The following KCNIP1 variants were observed in gnomAD, a reference collection of about 807,000 sequenced individuals.
KCNIP1 encodes A-type potassium channel modulatory protein KCNIP1.
Under a neutral mutation model 33.0 loss-of-function variants are expected in KCNIP1, and 18 were observed. The observed-to-expected ratio is 0.55, with a 90% CI of 0.38 to 0.81. The LOEUF (loss-of-function observed/expected upper bound fraction) is 0.81, where lower values mean the gene tolerates loss of function less well. Ranked by LOEUF, KCNIP1 falls within the 30% of genes least tolerant of loss-of-function variation. The pLI is 0.00. For missense variants in KCNIP1, 238 were observed against 271.6 expected (o/e 0.88, Z 0.87); for synonymous variants, 93 against 98.3 (o/e 0.95, Z 0.32).
Position 170,718,618 on chromosome 5 carries a change from G to A in KCNIP1, c.62-140G>A. The A allele has an allele frequency of 4.4e-6, 4 of 904,908 alleles. No individual in the cohort carries two copies. In the East Asian group the frequency reaches 1.1e-4, roughly 25 times the overall value. The allele number at this position is 904,908 out of a possible 1,614,324, so 56.1% of individuals were successfully genotyped here. ...GGGCAGGGAAGTGGGGTTCAAGATAGGAAGGCCATTGGCAGTGTGACCCCA... is the reference window on the plus strand; with the variant it reads ...GGGCAGGGAAGTGGGGTTCAAGATAAGAAGGCCATTGGCAGTGTGACCCCA... On this transcript the variant is annotated intron_variant, in intron 1 of 7. Coordinates refer to ENST00000328939, the MANE Select transcript of KCNIP1 (RefSeq NM_014592.4).
At position 170,622,814 on chromosome 5, in the gene KCNIP1, T is replaced by G. The variant is rs991486076; in HGVS notation, c.62-95944T>G. Among the ~76,000 whole-genome samples the G allele has an allele frequency of 2.6e-5, 4 of 152,166 alleles. No individual in the cohort carries two copies. In the East Asian group the frequency reaches 7.8e-4, roughly 30 times the overall value. ...CCCTGCTGACACCCTGACTTCAGAC[T>G]CCCAGCCTCCAGAGCTGGGAAGGGA... On this transcript the variant is annotated intron_variant, in intron 1 of 7. Transcript: ENST00000328939.
chr5:170,495,286 G>A (rs754021259), intron 1 of KCNIP1, among the ~76,000 whole-genome samples: 9 of 152,178 alleles, frequency 5.9e-5, no homozygotes, highest in South Asian at 2.1e-4. Context: ...CATTCAGGTC[G>A]CAGCTGGGGC....
intron 1 of KCNIP1, among the ~76,000 whole-genome samples, chr5:170,661,907 C>T (rs1416231525): frequency 6.6e-6 from 1 of 152,176 alleles, no homozygotes; most frequent in Non-Finnish European, 1.5e-5. Flanking sequence ...GGTCCCCTCT[C>T]AATGTGTACA....
At chr5:170,601,063 T>C (rs1319901052) in intron 1 of KCNIP1, among the ~76,000 whole-genome samples, 1 of 152,242 alleles carries the variant, frequency 6.6e-6, no homozygotes, top group Non-Finnish European at 1.5e-5. Context: ...TAAAATGGGC[T>C]TCATATTTTT....
intron 1 of KCNIP1, among the ~76,000 whole-genome samples, chr5:170,541,695 T>G (rs1470808608): frequency 6.9e-6 from 1 of 144,740 alleles, no homozygotes; most frequent in African/African-American, 2.5e-5. Context: ...CAAGCCATAA[T>G]GATAAAGTAA....
intron 1 of KCNIP1, among the ~76,000 whole-genome samples, chr5:170,636,989 T>C (rs1183821096): frequency 6.6e-6 from 1 of 152,096 alleles, no homozygotes; most frequent in East Asian, 1.9e-4. Context: ...CACAGTGGGT[T>C]GGCCCCACCC....
intron 1 of KCNIP1, among the ~76,000 whole-genome samples, chr5:170,396,390 G>A (rs1249725174): frequency 6.6e-6 from 1 of 152,258 alleles, no homozygotes; most frequent in African/African-American, 2.4e-5. Flanking sequence ...TATTTGAAGA[G>A]ATTTGTTCTG....
intron 1 of KCNIP1, among the ~76,000 whole-genome samples, chr5:170,420,219 CCCT>C (rs1755446048): frequency 6.6e-6 from 1 of 152,104 alleles, no homozygotes; most frequent in East Asian, 1.9e-4. Flanking sequence ...TCTCTGCCAC[CCCT>C]GAGACAGCAG....
chr5:170,375,346 G>A (rs1237393839), intron 1 of KCNIP1: 2 of 152,236 alleles, frequency 1.3e-5, no homozygotes, highest in Non-Finnish European at 2.9e-5. Context: ...CCTGCCTTTG[G>A]AAGGAAGGTC....
At chr5:170,727,329 G>A (rs1764043851) in intron 5 of KCNIP1, among the ~76,000 whole-genome samples, 1 of 152,240 alleles carries the variant, frequency 6.6e-6, no homozygotes, top group Non-Finnish European at 1.5e-5. Flanking sequence ...GCGAAGAAGT[G>A]TGAAGGGATG....
At chr5:170,710,299 A>G (rs976338149) in intron 1 of KCNIP1, among the ~76,000 whole-genome samples, 1 of 152,180 alleles carries the variant, frequency 6.6e-6, no homozygotes, top group Non-Finnish European at 1.5e-5. Flanking sequence ...GTTAATTTGG[A>G]TAACATATTT....
intron 1 of KCNIP1, among the ~76,000 whole-genome samples, chr5:170,673,538 C>T (rs1400253137): frequency 6.6e-6 from 1 of 152,244 alleles, no homozygotes; most frequent in Admixed American, 6.5e-5. Flanking sequence ...AGTGAATAAC[C>T]ACTCTGGGAC....
chr5:170,650,721 A>T (rs1761010787), intron 1 of KCNIP1, among the ~76,000 whole-genome samples: 1 of 152,230 alleles, frequency 6.6e-6, no homozygotes, highest in African/African-American at 2.4e-5. Context: ...ATGAAACCTT[A>T]ACTTTTTAAG....
intron 1 of KCNIP1, among the ~76,000 whole-genome samples, chr5:170,594,861 T>C (rs537372690): frequency 4.6e-5 from 7 of 152,298 alleles, no homozygotes; most frequent in African/African-American, 9.6e-5. Flanking sequence ...GTCCCACTGA[T>C]GAGTTATGGA....
intron 1 of KCNIP1, among the ~76,000 whole-genome samples, chr5:170,556,539 G>A (rs1756854647): frequency 6.6e-6 from 1 of 152,214 alleles, no homozygotes; most frequent in Admixed American, 6.5e-5. Context: ...GAGGTGGGGG[G>A]TGGGAGCCGA....
intron 1 of KCNIP1, among the ~76,000 whole-genome samples, chr5:170,651,222 G>T (rs946724207): frequency 6.6e-6 from 1 of 152,192 alleles, no homozygotes; most frequent in South Asian, 2.1e-4. Flanking sequence ...AAGTCACCAA[G>T]AGAGGCAGTG....
intron 1 of KCNIP1, among the ~76,000 whole-genome samples, chr5:170,697,204 GC>G (rs1338637285): frequency 6.6e-6 from 1 of 151,986 alleles, no homozygotes; most frequent in Non-Finnish European, 1.5e-5. Context: ...CTACACCAGG[GC>G]CCCTTTCCCC....
chr5:170,651,166 T>C (rs977027915), intron 1 of KCNIP1, among the ~76,000 whole-genome samples: 1 of 152,110 alleles, frequency 6.6e-6, no homozygotes, highest in Non-Finnish European at 1.5e-5. Flanking sequence ...CTGGACTCCA[T>C]TGGAAGAACC....
intron 7 of KCNIP1, 116 bp from the exon 8 acceptor site, chr5:170,735,643 C>G: frequency 4.7e-6 from 4 of 855,028 alleles, no homozygotes; most frequent in Non-Finnish European, 5.8e-6. Context: ...TTTTTCATAC[C>G]CTTGTAGAGT....
Sources: allele counts gnomAD v4.1 joint callset (sites outside exome capture counted in the v4.1 genomes callset), GRCh38; gene constraint gnomAD v4.1.1; transcripts MANE v1.5; gene names NCBI Gene and HGNC (gene_info 2026-07-23, HGNC 2026-07-21).